The following LRRC71 variants were observed in gnomAD, a reference collection of about 807,000 sequenced individuals.
LRRC71 encodes the protein leucine-rich repeat-containing protein 71.
In LRRC71, 54 loss-of-function variants were observed where a neutral mutation model predicts 66.6. The observed-to-expected ratio is 0.81, with a 90% CI of 0.65 to 1.02. The LOEUF (loss-of-function observed/expected upper bound fraction) is 1.02. Ranked by LOEUF, LRRC71 falls within the 50% of genes least tolerant of loss-of-function variation. The probability of loss-of-function intolerance (pLI) is 0.00; values close to 1 mark genes in which losing one functional copy is unlikely to be tolerated. For missense variants in LRRC71, 724 were observed against 718.0 expected (o/e 1.01, Z -0.10); for synonymous variants, 323 against 303.9 (o/e 1.06, Z -0.65).
the LRRC71 span, chr1:156,939,657 G>T: frequency 6.2e-7 from 1 of 1,613,928 alleles, no homozygotes; most frequent in Non-Finnish European, 8.5e-7. Context: ...TGGTCCTTGG[G>T]GGTAGGTGTT....
At chr1:156,936,499 T>TAAAAAAAA (rs1389872908), downstream of LRRC71, among the ~76,000 whole-genome samples, 3 of 74,904 alleles carry the variant, frequency 4.0e-5, no homozygotes, top group African/African-American at 2.6e-4. Flanking sequence ...AAAAAAAAAA[T>TAAAAAAAA]ATATATATAT....
intron 1 of LRRC71, among the ~76,000 whole-genome samples, chr1:156,922,643 G>A (rs1026228727): frequency 6.6e-6 from 1 of 152,220 alleles, no homozygotes; most frequent in Non-Finnish European, 1.5e-5. Context: ...CAGGCATGAA[G>A]TACTACAGGG....
At position 156,920,707 on chromosome 1, in the gene LRRC71, T is replaced by C. The variant is rs972739031; in HGVS notation, c.-97T>C. 20 of 1,310,020 alleles carry C rather than the reference T, an allele frequency of 1.5e-5. No homozygotes were observed. The highest frequency in any genetic ancestry group is 9.8e-7 in the Non-Finnish European group (1 of 1,016,474). The allele number at this position is 1,310,020 out of a possible 1,614,324, so 81.1% of individuals were successfully genotyped here. On this transcript the variant is annotated 5_prime_UTR_variant, in exon 1 of 15. Transcript: ENST00000337428. The surrounding 1 kb of genome is among the most constrained non-coding windows in gnomAD (Gnocchi z 4.9). ...CCGGTCCCTGGACGCGGAACAGAGA[T>C]CCCCTGATTCAGCCACCCCCAGACT...
At chr1:156,927,388 C>G (rs972562589) in intron 6 of LRRC71, 108 bp from the exon 7 acceptor site, 24 of 1,523,954 alleles carry the variant, frequency 1.6e-5, no homozygotes, top group Non-Finnish European at 2.0e-5. Context: ...GATTTCTGCC[C>G]CTACATCCTC....
chr1:156,933,751 G>A (rs138744014), downstream of LRRC71, among the ~76,000 whole-genome samples: 2 of 152,174 alleles, frequency 1.3e-5, no homozygotes, highest in African/African-American at 2.4e-5. Context: ...GACTGGCTTC[G>A]GGGAGCCTAC....
chr1:156,936,588 T>C (rs996550435), downstream of LRRC71, among the ~76,000 whole-genome samples: 1 of 148,496 alleles, frequency 6.7e-6, no homozygotes, highest in Non-Finnish European at 1.5e-5. Context: ...GTTACCTCCA[T>C]AGCACAAGGA....
downstream of LRRC71, among the ~76,000 whole-genome samples, chr1:156,936,494 AAAAATATATAT>A (rs1305877336): frequency 2.3e-4 from 21 of 90,226 alleles, no homozygotes; most frequent in African/African-American, 9.7e-4. Flanking sequence ...AAAAAAAAAA[AAAAATATATAT>A]ATATATATAT....
In LRRC71 at chr1:156,921,346, C is replaced by T. The variant is rs115756800; in HGVS notation, c.160+383C>T. Among the ~76,000 whole-genome samples, 863 of 152,254 alleles carry T rather than the reference C, an allele frequency of 5.7e-3. 5 individuals are homozygous for T. The highest frequency in any genetic ancestry group is 0.02 in the African/African-American group (831 of 41,530). On this transcript the variant is annotated intron_variant, in intron 1 of 14. Coordinates refer to ENST00000337428, the MANE Select transcript of LRRC71 (RefSeq NM_144702.3). ...AGAACGAGGTGGACACAGTCCTGCC[C>T]CCATGGGGTTTACATCCTCTGGGAA...
At chr1:156,936,255 C>T (rs371343451), downstream of LRRC71, 53 of 762,674 alleles carry the variant, frequency 6.9e-5, no homozygotes, top group African/African-American at 7.5e-4. Context: ...GCCCTTAGGT[C>T]AGGTAGGTAT....
At position 156,924,038 on chromosome 1, in the gene LRRC71, C is replaced by A. The variant is rs773931085; in HGVS notation, c.250C>A (p.Arg84=). The change falls in exon 2 of 15, where the codon CGG becomes AGG. Residue 84 remains arginine, a synonymous_variant. Transcript: ENST00000337428. ...GYTDFPKVVN[R]PRPHPPFVPS... ...CACGGACTTCCCCAAAGTTGTCAACCGGCCCCGCCCCCACCCGCCCTTCGT... is the reference window on the plus strand; with the variant it reads ...CACGGACTTCCCCAAAGTTGTCAACAGGCCCCGCCCCCACCCGCCCTTCGT... 1.3e-6 allele frequency: 2 copies of A among 1,547,982 alleles called. No individual in the cohort carries two copies. Among genetic ancestry groups the A allele is most frequent in the East Asian group, 2.4e-5 (1 of 40,890 alleles).
intron 11 of LRRC71, 56 bp from the exon 12 acceptor site, chr1:156,930,473 G>A (rs1654194941): frequency 2.0e-6 from 3 of 1,464,076 alleles, no homozygotes; most frequent in Non-Finnish European, 2.8e-6. Context: ...TGGGGAGGGA[G>A]CCTGGGTGGT....
chr1:156,939,741 T>C, the LRRC71 span: 2 of 1,613,998 alleles, frequency 1.2e-6, no homozygotes, highest in Admixed American at 1.7e-5. Context: ...TGTTGTCCCC[T>C]TCACCCCCAG....
downstream of LRRC71, among the ~76,000 whole-genome samples, chr1:156,936,480 GAAA>G (rs35863393): frequency 1.5e-3 from 70 of 48,016 alleles, no homozygotes; most frequent in Admixed American, 6.0e-3. Context: ...CAAATAAATA[GAAA>G]AAAAAAAAAA....
chr1:156,939,410 CCTT>C, the LRRC71 span: 9 of 1,228,890 alleles, frequency 7.3e-6, no homozygotes, highest in African/African-American at 7.6e-5. Context: ...GGCGTTGTCT[CCTT>C]CTTCCAGGAC....
At chr1:156,935,857 C>T (rs1654946385), downstream of LRRC71, 5 of 931,018 alleles carry the variant, frequency 5.4e-6, no homozygotes, top group South Asian at 1.8e-5. Flanking sequence ...GCGGGTCTCC[C>T]CCCGGGCCTT....
the LRRC71 span, chr1:156,939,760 T>A: frequency 6.2e-7 from 1 of 1,613,832 alleles, no homozygotes; most frequent in Non-Finnish European, 8.5e-7. Flanking sequence ...AGGGGGTGCT[T>A]GCCCTGGGGA....
intron 14 of LRRC71, 30 bp downstream of exon 14, chr1:156,932,575 G>A: frequency 6.2e-7 from 1 of 1,613,994 alleles, no homozygotes; most frequent in Non-Finnish European, 8.5e-7. Flanking sequence ...TCCTGCTGAA[G>A]CAGACGTTGC....
At chr1:156,939,577 G>A in the LRRC71 span, 1 of 1,612,724 alleles carries the variant, frequency 6.2e-7, no homozygotes, top group African/African-American at 1.3e-5. Flanking sequence ...ACCTCCTGCT[G>A]CCTCTGTGCT....
At chr1:156,924,594 C>G (rs778402070) in intron 3 of LRRC71, 42 bp downstream of exon 3, 3 of 1,544,130 alleles carry the variant, frequency 1.9e-6, no homozygotes, top group South Asian at 2.4e-5. Context: ...CCCTCCCGCT[C>G]CCCTGGAGCC....
Sources: gnomAD v4.1 joint callset for allele counts (sites outside exome capture counted in the v4.1 genomes callset) on GRCh38, gnomAD v4.1.1 for gene constraint, Gnocchi (gnomAD v3.1) non-coding constraint, MANE v1.5 for transcripts, NCBI Gene and HGNC (gene_info 2026-07-23, HGNC 2026-07-21) for gene names.